TOX2: variants seen among roughly 807,000 people sequenced by gnomAD.
TOX2 encodes TOX high mobility group box family member 2.
A neutral mutation model predicts 47.4 loss-of-function variants in TOX2; 15 were observed. The ratio of observed to expected loss-of-function variants is 0.32; its 90% CI spans 0.21 to 0.49. The LOEUF (loss-of-function observed/expected upper bound fraction) is 0.49. Among genes scored for constraint, TOX2 ranks in the 20% least tolerant of loss-of-function variants. The probability of loss-of-function intolerance (pLI) is 0.99; values close to 1 mark genes in which losing one functional copy is unlikely to be tolerated. For missense variants in TOX2, 622 were observed against 673.1 expected, an observed-to-expected ratio of 0.92 and a Z score of 0.84; for synonymous variants, 290 against 296.6, an observed-to-expected ratio of 0.98 and a Z score of 0.23.
chr20:44,039,521 T>C (rs766208304), intron 3 of TOX2, among the ~76,000 whole-genome samples: 5 of 152,098 alleles, frequency 3.3e-5, no homozygotes, highest in African/African-American at 7.2e-5. Flanking sequence ...GCTGCATAGC[T>C]TGAGATAGCC....
chr20:43,952,846 T>C (rs1374072395), intron 1 of TOX2, among the ~76,000 whole-genome samples: 1 of 152,094 alleles, frequency 6.6e-6, no homozygotes, highest in Non-Finnish European at 1.5e-5. Context: ...GACCCCTAAG[T>C]ATAGCTAGGT....
At chr20:44,011,675 G>T (rs900006731) in intron 3 of TOX2, among the ~76,000 whole-genome samples, 1 of 152,250 alleles carries the variant, frequency 6.6e-6, no homozygotes, top group Non-Finnish European at 1.5e-5. Flanking sequence ...CAGAGGATGC[G>T]CTGATGGCCA....
chr20:43,998,791 A>G (rs73282649), intron 2 of TOX2, among the ~76,000 whole-genome samples: 8,216 of 151,750 alleles, frequency 0.054, 564 homozygotes, highest in African/African-American at 0.15. Flanking sequence ...ATGGAGTCTC[A>G]TTCTGTTACT....
At chr20:43,978,136 G>A (rs1055577199) in intron 2 of TOX2, among the ~76,000 whole-genome samples, 1 of 152,180 alleles carries the variant, frequency 6.6e-6, no homozygotes, top group African/African-American at 2.4e-5. Context: ...TCATTCAGCT[G>A]CTGTGAGTGT....
At chr20:43,942,760 A>G (rs189315839) in intron 1 of TOX2, among the ~76,000 whole-genome samples, 84 of 152,316 alleles carry the variant, frequency 5.5e-4, no homozygotes, top group Admixed American at 2.8e-3. Flanking sequence ...CTCCATGGAT[A>G]AGAAGAGAGA....
chr20:43,950,227 C>G lies in TOX2; in HGVS notation c.100-23140C>G, dbSNP rs572182340. ...CCCAAACAGGAGCAAAAATAGCAGC[C>G]ATCGGGGCAACCTGAGATGCAGAAG... On this transcript the variant is annotated intron_variant, in intron 1 of 8. Transcript: ENST00000341197. Among the ~76,000 whole-genome samples, 6 of 152,310 alleles carry G rather than the reference C, an allele frequency of 3.9e-5. No homozygotes were observed. The South Asian group carries it at 8.3e-4, about 21-fold the overall frequency.
At position 44,053,522 on chromosome 20, in the gene TOX2, CATATATATACATATATACTAT is replaced by C. The variant is rs1275486030; in HGVS notation, c.652-769_652-749del. Among the ~76,000 whole-genome samples the C allele has an allele frequency of 9.2e-3, 1,332 of 144,200 alleles. 24 individuals carry two copies. Among genetic ancestry groups the C allele is most frequent in the African/African-American group, 0.032 (1,271 of 39,144 alleles). The allele number at this position is 144,200 out of a possible 152,430, so 94.6% of individuals were successfully genotyped here. A position where few individuals can be genotyped will look rare whatever the true frequency, so the allele number is the denominator to read the frequency against. On this transcript the variant is annotated intron_variant, in intron 4 of 8. Coordinates refer to ENST00000341197, the MANE Select transcript of TOX2 (RefSeq NM_001098797.2). ...CAGACATATATATACTATATATACA[CATATATATACATATATACTAT>C]ATATATACATATATACTATATATAC...
intron 1 of TOX2, among the ~76,000 whole-genome samples, chr20:43,948,827 G>A (rs923576269): frequency 3.3e-5 from 5 of 152,332 alleles, no homozygotes; most frequent in Admixed American, 2.0e-4. Context: ...GGAGGGCCTC[G>A]GGAACCTCCT....
intron 5 of TOX2, among the ~76,000 whole-genome samples, chr20:44,056,940 C>T (rs1003065072): frequency 6.6e-6 from 1 of 152,196 alleles, no homozygotes; most frequent in Admixed American, 6.5e-5. Flanking sequence ...GACAGGGTGT[C>T]ACTCTGTCAC....
At chr20:44,058,980 C>G (rs1477279109) in intron 5 of TOX2, among the ~76,000 whole-genome samples, 1 of 152,050 alleles carries the variant, frequency 6.6e-6, no homozygotes, top group Non-Finnish European at 1.5e-5. Context: ...TATTTAACAC[C>G]CCCAAAAGAT....
chr20:43,949,964 A>G (rs756783750), intron 1 of TOX2, among the ~76,000 whole-genome samples: 3 of 152,156 alleles, frequency 2.0e-5, no homozygotes, highest in Non-Finnish European at 4.4e-5. Context: ...TCAGACCTAG[A>G]CAGACTGGAA....
At chr20:44,043,936 C>G (rs2145727622) in intron 3 of TOX2, among the ~76,000 whole-genome samples, 1 of 152,226 alleles carries the variant, frequency 6.6e-6, no homozygotes, top group East Asian at 1.9e-4. Context: ...GGTATATACC[C>G]AAAGGATTAT....
intron 3 of TOX2, among the ~76,000 whole-genome samples, chr20:44,041,078 G>A (rs546249865): frequency 9.9e-5 from 15 of 152,186 alleles, no homozygotes; most frequent in Admixed American, 2.6e-4. Context: ...AAGGGGCTGA[G>A]CATGGATGTA....
chr20:43,943,238 C>T (rs975011877), intron 1 of TOX2, among the ~76,000 whole-genome samples: 1 of 152,194 alleles, frequency 6.6e-6, no homozygotes, highest in African/African-American at 2.4e-5. Context: ...CAAATGCCTC[C>T]TCCCAGTACA....
chr20:44,068,795 G>A lies in TOX2; in HGVS notation c.*109G>A. 1 of 1,446,706 alleles carries A rather than the reference G, an allele frequency of 6.9e-7. No homozygotes were observed. The highest frequency in any genetic ancestry group is 9.6e-7 in the Non-Finnish European group (1 of 1,045,740). The allele number at this position is 1,446,706 out of a possible 1,614,324, so 89.6% of individuals were successfully genotyped here. On this transcript the variant is annotated 3_prime_UTR_variant, in exon 9 of 9. Coordinates refer to ENST00000341197, the MANE Select transcript of TOX2 (RefSeq NM_001098797.2). ...CAGAGGCAGGGTGGCCCATCGGAGA[G>A]AGCAGTGACACACCCATTGCCCGGG... is the stretch of plus-strand genomic sequence containing the variant.
At chr20:44,063,804 A>AC (rs2071763960) in intron 5 of TOX2, among the ~76,000 whole-genome samples, 1 of 150,188 alleles carries the variant, frequency 6.7e-6, no homozygotes. Context: ...ACACACACAC[A>AC]AACACCATGA....
intron 1 of TOX2, among the ~76,000 whole-genome samples, chr20:43,927,627 CCTTCCTTCCTTCCTCCCCTT>C (rs200538738): frequency 4.7e-5 from 5 of 105,566 alleles, no homozygotes; most frequent in African/African-American, 7.8e-5. Context: ...CTTCCTTCCT[CCTTCCTTCCTTCCTCCCCTT>C]CCCTTCCCTT....
At chr20:43,951,477 T>C (rs1263262825) in intron 1 of TOX2, among the ~76,000 whole-genome samples, 1 of 151,982 alleles carries the variant, frequency 6.6e-6, no homozygotes, top group Non-Finnish European at 1.5e-5. Flanking sequence ...CTCGGGAGGC[T>C]GAGGCAGGAG....
intron 2 of TOX2, among the ~76,000 whole-genome samples, chr20:44,005,122 A>G (rs777988061): frequency 7.9e-5 from 12 of 152,160 alleles, no homozygotes; most frequent in Admixed American, 1.3e-4. Context: ...TGTAGAAAAC[A>G]TTTACCTTTA....
Sources: allele counts gnomAD v4.1 joint callset (sites outside exome capture counted in the v4.1 genomes callset), GRCh38; gene constraint gnomAD v4.1.1; transcripts MANE v1.5; gene names NCBI Gene and HGNC (gene_info 2026-07-23, HGNC 2026-07-21).